The following DCC variants were observed in gnomAD, a reference collection of about 807,000 sequenced individuals.
DCC encodes the protein netrin receptor DCC.
In DCC, 58 loss-of-function variants were observed where a neutral mutation model predicts 172.5. The ratio of observed to expected loss-of-function variants is 0.34; its 90% CI spans 0.27 to 0.42. DCC has a LOEUF of 0.42. Among genes scored for constraint, DCC ranks in the 10% least tolerant of loss-of-function variants. The pLI, the probability that DCC is intolerant of heterozygous loss-of-function variation, is 1.00. For missense variants in DCC, 1,740 were observed against 1,791.0 expected (o/e 0.97, Z 0.51); for synonymous variants, 709 against 644.5 (o/e 1.10, Z -1.52).
intron 1 of DCC, among the ~76,000 whole-genome samples, chr18:52,364,387 CT>C (rs1984752100): frequency 6.6e-6 from 1 of 152,034 alleles, no homozygotes; most frequent in African/African-American, 2.4e-5. Context: ...GAGTTAATTA[CT>C]GTTAAAATTT....
chr18:53,130,712 C>A (rs1355676679), intron 7 of DCC, among the ~76,000 whole-genome samples: 1 of 152,060 alleles, frequency 6.6e-6, no homozygotes, highest in African/African-American at 2.4e-5. Flanking sequence ...TAGGGTGGGT[C>A]CTTTGCTTCC....
At chr18:53,527,567 A>G (rs138567658) in intron 28 of DCC, among the ~76,000 whole-genome samples, 15 of 152,178 alleles carry the variant, frequency 9.9e-5, no homozygotes, top group African/African-American at 3.6e-4. Flanking sequence ...AAATGACGTA[A>G]TTAAAAAATA....
chr18:53,259,856 A>G (rs1000091652), intron 12 of DCC, among the ~76,000 whole-genome samples: 1 of 152,132 alleles, frequency 6.6e-6, no homozygotes, highest in African/African-American at 2.4e-5. Context: ...ACCAATCAGA[A>G]GTAGATTTGG....
At chr18:52,492,421 C>G (rs2030549364) in intron 1 of DCC, among the ~76,000 whole-genome samples, 1 of 151,710 alleles carries the variant, frequency 6.6e-6, no homozygotes, top group Non-Finnish European at 1.5e-5. Flanking sequence ...GAACAAGGTT[C>G]TTGAGAGAAA....
intron 2 of DCC, among the ~76,000 whole-genome samples, chr18:52,860,607 C>T (rs950178200): frequency 6.6e-6 from 1 of 152,284 alleles, no homozygotes; most frequent in Non-Finnish European, 1.5e-5. Context: ...GTAGTAAGAC[C>T]ATTTGTTTGC....
chr18:52,793,590 T>C (rs954928716), intron 2 of DCC, among the ~76,000 whole-genome samples: 1 of 152,208 alleles, frequency 6.6e-6, no homozygotes, highest in African/African-American at 2.4e-5. Flanking sequence ...TTCTGCATGT[T>C]GTGTCTTCAC....
At chr18:53,494,996 G>A (rs1017813629) in intron 26 of DCC, among the ~76,000 whole-genome samples, 6 of 152,104 alleles carry the variant, frequency 3.9e-5, no homozygotes, top group African/African-American at 7.2e-5. Context: ...AGGCAGGCCT[G>A]GTGGTGACAA....
At position 52,904,847 on chromosome 18, in the gene DCC, G is replaced by A. The variant is rs573496054; in HGVS notation, c.413-1197G>A. Among the ~76,000 whole-genome samples, 43 of 152,292 alleles carry A rather than the reference G, an allele frequency of 2.8e-4. 1 individual carries two copies. The highest frequency in any genetic ancestry group is 1.5e-3 in the Admixed American group (23 of 15,292). On this transcript the variant is annotated intron_variant, in intron 2 of 28. Coordinates refer to ENST00000442544, the MANE Select transcript of DCC (RefSeq NM_005215.4). ...AGAAATATCAGAATTTAACTGGGAT[G>A]AATAGCAAACATAAATAATTATTAA...
chr18:52,635,147 A>G (rs1028819894), intron 1 of DCC, among the ~76,000 whole-genome samples: 1 of 152,196 alleles, frequency 6.6e-6, no homozygotes, highest in African/African-American at 2.4e-5. Context: ...CTATTTTACA[A>G]CACAGTAGTT....
At chr18:53,385,252 G>A (rs762638806) in intron 15 of DCC, among the ~76,000 whole-genome samples, 13 of 152,020 alleles carry the variant, frequency 8.6e-5, no homozygotes, top group African/African-American at 1.9e-4. Context: ...GTTCTTGTAT[G>A]GACCCCTGAA....
At chr18:53,286,687 G>A (rs1197475619) in intron 12 of DCC, among the ~76,000 whole-genome samples, 3 of 152,176 alleles carry the variant, frequency 2.0e-5, no homozygotes, top group African/African-American at 7.2e-5. Context: ...GAGGTCCAGT[G>A]CATCGCCATT....
chr18:52,409,653 A>G (rs1986776940), intron 1 of DCC, among the ~76,000 whole-genome samples: 1 of 152,138 alleles, frequency 6.6e-6, no homozygotes, highest in Non-Finnish European at 1.5e-5. Flanking sequence ...AATCTAATTC[A>G]TGAGCTATTT....
At chr18:52,606,311 TA>T (rs1265214243) in intron 1 of DCC, among the ~76,000 whole-genome samples, 3 of 151,978 alleles carry the variant, frequency 2.0e-5, no homozygotes, top group African/African-American at 4.8e-5. Flanking sequence ...TCTAGTCTAT[TA>T]AAAAAAACAA....
chr18:53,077,140 A>G (rs187989386), intron 7 of DCC, among the ~76,000 whole-genome samples: 32 of 152,168 alleles, frequency 2.1e-4, no homozygotes, highest in African/African-American at 7.2e-4. Flanking sequence ...CTTTTCCCCA[A>G]ACCTTTTTGT....
chr18:52,917,148 A>T (rs1198641762), intron 3 of DCC, among the ~76,000 whole-genome samples: 1 of 150,378 alleles, frequency 6.6e-6, no homozygotes, highest in Non-Finnish European at 1.5e-5. Context: ...AAAAAAAAAA[A>T]AACAAGAAAA....
chr18:52,914,178 G>A lies in DCC; in HGVS notation c.697+7850G>A, dbSNP rs1290678942. On this transcript the variant is annotated intron_variant, in intron 3 of 28. Transcript: ENST00000442544. Reference sequence around the variant, plus strand: ...TCATAATGGCAACATTTGTTTTCTGGGATTCTACTGTCAGCTGCAAAATTA... The same window carrying A: ...TCATAATGGCAACATTTGTTTTCTGAGATTCTACTGTCAGCTGCAAAATTA... Among the ~76,000 whole-genome samples, 4 of 150,838 alleles carry A rather than the reference G, an allele frequency of 2.7e-5. No homozygotes were observed. In the East Asian group the frequency reaches 7.9e-4, roughly 30 times the overall value.
intron 7 of DCC, among the ~76,000 whole-genome samples, chr18:53,103,338 G>A (rs559562759): frequency 5.3e-5 from 8 of 152,042 alleles, no homozygotes; most frequent in African/African-American, 1.7e-4. Context: ...GGGAACCCAG[G>A]GTAGTAACTA....
At chr18:52,457,409 CA>C (rs1568178737) in intron 1 of DCC, among the ~76,000 whole-genome samples, 1 of 152,094 alleles carries the variant, frequency 6.6e-6, no homozygotes, top group Non-Finnish European at 1.5e-5. Context: ...TTTCATGTAT[CA>C]AATATATCTA....
chr18:52,478,512 T>A (rs550256894), intron 1 of DCC, among the ~76,000 whole-genome samples: 6 of 152,310 alleles, frequency 3.9e-5, no homozygotes, highest in African/African-American at 1.4e-4. Flanking sequence ...GGCCATTCTG[T>A]CATTGCTATA....
Sources: gnomAD v4.1 joint callset for allele counts (sites outside exome capture counted in the v4.1 genomes callset) on GRCh38, gnomAD v4.1.1 for gene constraint, MANE v1.5 for transcripts, NCBI Gene and HGNC (gene_info 2026-07-23, HGNC 2026-07-21) for gene names.